Variants in IL7 observed in about 807,000 individuals in gnomAD.
IL7 encodes interleukin 7, also known as interleukin-7.
IL7 carries 3 observed loss-of-function variants against 21.6 expected under a neutral mutation model. That is an observed-to-expected ratio of 0.14 (90% CI 0.06 to 0.36). The LOEUF (loss-of-function observed/expected upper bound fraction) is 0.36, where lower values mean the gene tolerates loss of function less well. IL7 is among the 10% of genes least tolerant of loss of function. The pLI, the probability that IL7 is intolerant of heterozygous loss-of-function variation, is 1.00. For synonymous variants in IL7, 62 were observed against 68.1 expected, an observed-to-expected ratio of 0.91 and a Z score of 0.44; for missense variants, 175 against 200.2, an observed-to-expected ratio of 0.87 and a Z score of 0.76.
At chr8:78,744,401 C>T (rs1205054661) in intron 2 of IL7, among the ~76,000 whole-genome samples, 1 of 152,118 alleles carries the variant, frequency 6.6e-6, no homozygotes, top group Non-Finnish European at 1.5e-5. Context: ...TTGGGGGATC[C>T]CTTCTGCCCG....
chr8:78,675,935 A>C, exon 5 of IL7: 22 of 1,331,182 alleles, frequency 1.7e-5, no homozygotes, highest in Non-Finnish European at 2.2e-5. Flanking sequence ...GTCAATTCTC[A>C]TGGGAAGAAT....
intron 2 of IL7, among the ~76,000 whole-genome samples, chr8:78,780,163 A>C (rs973225959): frequency 6.6e-6 from 1 of 151,394 alleles, no homozygotes; most frequent in Non-Finnish European, 1.5e-5. Flanking sequence ...CTGTTTTATT[A>C]ATTTTTTTCA....
At chr8:78,792,677 G>A (rs1055436370) in intron 2 of IL7, among the ~76,000 whole-genome samples, 3 of 152,012 alleles carry the variant, frequency 2.0e-5, no homozygotes, top group African/African-American at 7.2e-5. Flanking sequence ...ATAATGAAAA[G>A]ATGCTTGACA....
chr8:78,738,719 A>G, intron 3 of IL7, 84 bp from the exon 4 acceptor site: 1 of 1,328,304 alleles, frequency 7.5e-7, no homozygotes, highest in Non-Finnish European at 1.0e-6. Flanking sequence ...CTAGAGCTTG[A>G]GCTATGTTGC....
At chr8:78,720,555 T>C (rs1811219039) in intron 5 of IL7, among the ~76,000 whole-genome samples, 1 of 151,882 alleles carries the variant, frequency 6.6e-6, no homozygotes, top group Non-Finnish European at 1.5e-5. Flanking sequence ...GCCTATTCTT[T>C]TTAAGGGCCT....
intron 2 of IL7, among the ~76,000 whole-genome samples, chr8:78,782,342 G>T (rs566745321): frequency 1.2e-4 from 18 of 152,280 alleles, no homozygotes; most frequent in African/African-American, 4.3e-4. Flanking sequence ...TCATCTTGCT[G>T]AGGTTATCTA....
downstream of IL7, chr8:78,717,314 C>G: frequency 6.3e-7 from 1 of 1,598,234 alleles, no homozygotes. Flanking sequence ...TTCATTGTTT[C>G]TTTACTTTTT....
chr8:78,707,440 A>G (rs78383172), intron 3 of IL7, among the ~76,000 whole-genome samples: 5,622 of 152,262 alleles, frequency 0.037, 315 homozygotes, highest in African/African-American at 0.13. Flanking sequence ...GCTGTGACAT[A>G]TTGTCTGACT....
chr8:78,730,429 G>A (rs79788664), downstream of IL7, among the ~76,000 whole-genome samples: 500 of 151,628 alleles, frequency 3.3e-3, 2 homozygotes, highest in Non-Finnish European at 5.4e-3. Context: ...CTATTATTTG[G>A]TCAGAATCAA....
intron 3 of IL7, among the ~76,000 whole-genome samples, chr8:78,725,353 G>A (rs1464695041): frequency 1.1e-5 from 1 of 91,762 alleles, no homozygotes; most frequent in African/African-American, 4.3e-5. Context: ...CACTTTAACT[G>A]ACTGTCCTCC....
chr8:78,697,450 C>T (rs1416099361), intron 3 of IL7: 3 of 1,610,278 alleles, frequency 1.9e-6, no homozygotes, highest in South Asian at 2.2e-5. Context: ...CCTGGAACTG[C>T]ATCATCAGGA....
intron 3 of IL7, among the ~76,000 whole-genome samples, chr8:78,710,423 T>C (rs1810916666): frequency 6.6e-6 from 1 of 152,250 alleles, no homozygotes; most frequent in Admixed American, 6.5e-5. Flanking sequence ...ATATGTAATG[T>C]TTCCATTGGA....
At chr8:78,708,830 A>G (rs971984421) in intron 3 of IL7, among the ~76,000 whole-genome samples, 2 of 151,866 alleles carry the variant, frequency 1.3e-5, no homozygotes, top group Non-Finnish European at 2.9e-5. Flanking sequence ...GGTGTGTGCT[A>G]CCATGTCTGG....
At chr8:78,754,603 C>A (rs1812287312) in intron 2 of IL7, among the ~76,000 whole-genome samples, 1 of 152,130 alleles carries the variant, frequency 6.6e-6, no homozygotes, top group Non-Finnish European at 1.5e-5. Flanking sequence ...GCAAAAAGAA[C>A]AAAGCTGGAG....
Position 78,733,738 on chromosome 8 carries a change from A to G in IL7, c.509T>C (p.Ile170Thr). 2 of 1,601,060 alleles carry G rather than the reference A, an allele frequency of 1.2e-6. No individual in the cohort carries two copies. Among genetic ancestry groups the G allele is most frequent in the Admixed American group, 1.7e-5 (1 of 57,186 alleles). The part of the protein sequence containing the change: ...LQEIKTCWNK[I>T]LMGTKEH Reference sequence around the variant, plus strand: ...TCAGTGTTCTTTAGTGCCCATCAAAATTTTATTCCAACAAGTTTTTATCTC... The same window carrying G: ...TCAGTGTTCTTTAGTGCCCATCAAAGTTTTATTCCAACAAGTTTTTATCTC... Residue 170 changes from isoleucine to threonine, a missense_variant, in exon 6 of 6, where the codon ATT (isoleucine) becomes ACT (threonine). By Grantham distance (89) the Ile-to-Thr change is moderately conservative (BLOSUM62 -1). Transcript: ENST00000263851.
At chr8:78,698,979 A>G (rs1370575485) in intron 3 of IL7, among the ~76,000 whole-genome samples, 1 of 152,182 alleles carries the variant, frequency 6.6e-6, no homozygotes, top group Non-Finnish European at 1.5e-5. Flanking sequence ...CTTTGACTGT[A>G]AACACTGGAC....
chr8:78,802,757 A>T (rs1163501585), intron 1 of IL7, among the ~76,000 whole-genome samples: 2 of 152,144 alleles, frequency 1.3e-5, no homozygotes, highest in Non-Finnish European at 2.9e-5. Flanking sequence ...CATAATATAG[A>T]TATGGAATTC....
chr8:78,731,759 G>A (rs1312225457), downstream of IL7, among the ~76,000 whole-genome samples: 1 of 151,892 alleles, frequency 6.6e-6, no homozygotes, highest in African/African-American at 2.4e-5. Context: ...TAAGTGTGTG[G>A]GTAATTTTTC....
chr8:78,699,579 A>T (rs1810535965), intron 3 of IL7, among the ~76,000 whole-genome samples: 1 of 152,112 alleles, frequency 6.6e-6, no homozygotes, highest in African/African-American at 2.4e-5. Context: ...TATTAAGCCT[A>T]GTACCCATCA....
Sources: gnomAD v4.1 joint callset for allele counts (sites outside exome capture counted in the v4.1 genomes callset) on GRCh38, gnomAD v4.1.1 for gene constraint, MANE v1.5 for transcripts, NCBI Gene and HGNC (gene_info 2026-07-23, HGNC 2026-07-21) for gene names.